ZNF516: variants seen among roughly 807,000 people sequenced by gnomAD.
The protein encoded by ZNF516 is zinc finger protein 516.
In ZNF516, 19 loss-of-function variants were observed where a neutral mutation model predicts 79.7. The observed-to-expected ratio is 0.24, with a 90% CI of 0.17 to 0.35. The LOEUF (loss-of-function observed/expected upper bound fraction) is 0.35, where lower values mean the gene tolerates loss of function less well. Ranked by LOEUF, ZNF516 falls within the 10% of genes least tolerant of loss-of-function variation. ZNF516 has a pLI of 1.00. For missense variants in ZNF516, 1,678 were observed against 1,679.5 expected (o/e 1.00, Z 0.02); for synonymous variants, 877 against 739.5 (o/e 1.19, Z -3.02).
intron 1 of ZNF516, among the ~76,000 whole-genome samples, chr18:76,491,389 G>GCCCCCGCCGGCTC (rs1471450334): frequency 9.1e-6 from 1 of 109,910 alleles, no homozygotes; most frequent in Non-Finnish European, 1.9e-5. Flanking sequence ...CCTCGCTCCC[G>GCCCCCGCCGGCTC]CCCCCGCCGG....
intron 2 of ZNF516, among the ~76,000 whole-genome samples, chr18:76,457,446 C>T (rs1489180803): frequency 1.3e-5 from 2 of 152,162 alleles, no homozygotes; most frequent in Admixed American, 6.5e-5. Flanking sequence ...ATGTGGGCGG[C>T]GTCTGTAATG....
In ZNF516 at chr18:76,421,805, A is replaced by G. The variant is rs149406913; in HGVS notation, c.1810+19440T>C. On this transcript the variant is annotated intron_variant, in intron 3 of 6. Coordinates refer to ENST00000443185, the MANE Select transcript of ZNF516 (RefSeq NM_014643.4). ...AAGAAAGTGTACAAAGTGCCACAAC[A>G]TAAGTATTTTCAAAGCAAAGACAAG... Among the ~76,000 whole-genome samples the G allele has an allele frequency of 2.6e-3, 390 of 152,344 alleles. 4 individuals carry two copies. The East Asian group carries it at 0.031, about 12-fold the overall frequency.
At chr18:76,463,960 A>T (rs1913284784) in intron 1 of ZNF516, among the ~76,000 whole-genome samples, 1 of 152,166 alleles carries the variant, frequency 6.6e-6, no homozygotes, top group African/African-American at 2.4e-5. Context: ...AGATCCACCG[A>T]AACAAGATCT....
intron 3 of ZNF516, among the ~76,000 whole-genome samples, chr18:76,398,072 C>A (rs189388443): frequency 6.6e-6 from 1 of 152,176 alleles, no homozygotes; most frequent in Non-Finnish European, 1.5e-5. Flanking sequence ...GCAGTTTATC[C>A]GGCATAAAAC....
intron 1 of ZNF516, among the ~76,000 whole-genome samples, chr18:76,471,964 C>A (rs1488951358): frequency 1.3e-5 from 2 of 152,204 alleles, no homozygotes; most frequent in African/African-American, 4.8e-5. Flanking sequence ...CCCTCCCTCT[C>A]AACGCATCCA....
chr18:76,450,189 G>GGGT (rs1555714191), intron 2 of ZNF516, among the ~76,000 whole-genome samples: 1 of 142,646 alleles, frequency 7.0e-6, no homozygotes, highest in Non-Finnish European at 1.5e-5. Flanking sequence ...ACTAAAGGGG[G>GGGT]GGGGGTGTTT....
rs533218293 is a variant in ZNF516 at position 76,399,641 on chromosome 18, G to A, written c.1811-19338C>T. On this transcript the variant is annotated intron_variant, in intron 3 of 6. Transcript: ENST00000443185. ...TGGGTGCGTTCTAAGCGCTAGAGAG[G>A]AGGTTCAGGAAAACAGCACCTAAGT... Among the ~76,000 whole-genome samples, 11 of 152,344 alleles carry A rather than the reference G, an allele frequency of 7.2e-5. 1 individual carries two copies. The South Asian group carries it at 1.0e-3, about 14-fold the overall frequency.
Position 76,482,346 on chromosome 18 carries a change from G to A in ZNF516, c.-272+12798C>T, listed in dbSNP as rs765463081. The stretch of plus-strand genomic sequence containing the variant: ...TTTTTGTTTGTATTTTACTGTAGAT[G>A]GTCCCCAACTTAGGAAAGTTTGACT... On this transcript the variant is annotated intron_variant, in intron 1 of 6. Transcript: ENST00000443185. 2.0e-5 allele frequency among the ~76,000 whole-genome samples: 3 copies of A among 152,122 alleles called. No homozygotes were observed. In the East Asian group the frequency reaches 5.8e-4, roughly 29 times the overall value.
chr18:76,471,371 G>A (rs1052537683), intron 1 of ZNF516, among the ~76,000 whole-genome samples: 1 of 152,174 alleles, frequency 6.6e-6, no homozygotes, highest in Non-Finnish European at 1.5e-5. Context: ...TGGCAAGAGA[G>A]GGCAGCGACC....
intron 3 of ZNF516, among the ~76,000 whole-genome samples, chr18:76,438,141 A>C (rs192775982): frequency 6.6e-6 from 1 of 152,380 alleles, no homozygotes; most frequent in Admixed American, 6.5e-5. Context: ...GGCACCAGGC[A>C]TCCCAGTCCA....
intron 3 of ZNF516, among the ~76,000 whole-genome samples, chr18:76,401,225 C>T (rs929931012): frequency 6.8e-6 from 1 of 147,758 alleles, no homozygotes; most frequent in East Asian, 2.0e-4. Context: ...AAGTTTTGTT[C>T]TTATAGTTCA....
chr18:76,492,278 G>A (rs1047891036), intron 1 of ZNF516: 47 of 985,348 alleles, frequency 4.8e-5, no homozygotes, highest in African/African-American at 1.0e-4. Context: ...CCCGAGGTGC[G>A]TACTACGCGA....
At chr18:76,470,437 T>C (rs1436103287) in intron 1 of ZNF516, among the ~76,000 whole-genome samples, 3 of 152,204 alleles carry the variant, frequency 2.0e-5, no homozygotes, top group African/African-American at 7.2e-5. Flanking sequence ...GAAGTGATCT[T>C]ACATGCAACA....
At chr18:76,367,756 G>A (rs1461299782) in intron 6 of ZNF516, among the ~76,000 whole-genome samples, 1 of 152,210 alleles carries the variant, frequency 6.6e-6, no homozygotes, top group Non-Finnish European at 1.5e-5. Context: ...AGGAAAAATG[G>A]TTATCTTGTC....
intron 1 of ZNF516, among the ~76,000 whole-genome samples, chr18:76,471,683 C>G (rs1913851204): frequency 6.6e-6 from 1 of 152,190 alleles, no homozygotes; most frequent in Non-Finnish European, 1.5e-5. Flanking sequence ...CCTGTCACAT[C>G]GCTGAACGGG....
intron 3 of ZNF516, among the ~76,000 whole-genome samples, chr18:76,391,147 G>C (rs574687752): frequency 6.6e-6 from 1 of 152,116 alleles, no homozygotes; most frequent in African/African-American, 2.4e-5. Flanking sequence ...GCGAGATTTC[G>C]AAAAGAAAAG....
intron 3 of ZNF516, among the ~76,000 whole-genome samples, chr18:76,434,824 C>A (rs557946144): frequency 6.6e-6 from 1 of 152,370 alleles, no homozygotes; most frequent in South Asian, 2.1e-4. Flanking sequence ...AGAGCAAGGA[C>A]AGCAGCTTCG....
intron 4 of ZNF516, among the ~76,000 whole-genome samples, chr18:76,376,985 A>G (rs2074797852): frequency 6.6e-6 from 1 of 152,212 alleles, no homozygotes; most frequent in Non-Finnish European, 1.5e-5. Context: ...CCACATCTCC[A>G]GAAGTGAGGC....
chr18:76,439,710 G>A (rs539737702), intron 3 of ZNF516, among the ~76,000 whole-genome samples: 24 of 152,156 alleles, frequency 1.6e-4, no homozygotes, highest in African/African-American at 5.5e-4. Flanking sequence ...TGGGGTGAGT[G>A]AGGCCCAAGA....
Sources: gnomAD v4.1 joint callset for allele counts (sites outside exome capture counted in the v4.1 genomes callset) on GRCh38, gnomAD v4.1.1 for gene constraint, MANE v1.5 for transcripts, NCBI Gene and HGNC (gene_info 2026-07-23, HGNC 2026-07-21) for gene names.